FAM171A1: variants seen among roughly 807,000 people sequenced by gnomAD.
FAM171A1 encodes protein FAM171A1.
FAM171A1 carries 23 observed loss-of-function variants against 74.9 expected under a neutral mutation model. The ratio of observed to expected loss-of-function variants is 0.31; its 90% CI spans 0.22 to 0.44. FAM171A1 has a LOEUF of 0.44. FAM171A1 is among the 20% of genes least tolerant of loss of function. The pLI, the probability that FAM171A1 is intolerant of heterozygous loss-of-function variation, is 1.00. For missense variants in FAM171A1, 1,162 were observed against 1,159.2 expected, an observed-to-expected ratio of 1.00 and a Z score of -0.03; for synonymous variants, 527 against 505.7, an observed-to-expected ratio of 1.04 and a Z score of -0.57.
At chr10:15,263,863 C>G (rs1314134798) in intron 3 of FAM171A1, among the ~76,000 whole-genome samples, 2 of 99,524 alleles carry the variant, frequency 2.0e-5, no homozygotes, top group African/African-American at 8.9e-5. Context: ...ATCTATCTAT[C>G]TATCTATCTA....
At chr10:15,292,570 AC>A (rs1835115145) in intron 1 of FAM171A1, among the ~76,000 whole-genome samples, 1 of 151,980 alleles carries the variant, frequency 6.6e-6, no homozygotes, top group South Asian at 2.1e-4. Flanking sequence ...AACTTCCCCA[AC>A]CCGGGCTCAA....
At chr10:15,317,913 C>G (rs1261043504) in intron 1 of FAM171A1, among the ~76,000 whole-genome samples, 3 of 152,220 alleles carry the variant, frequency 2.0e-5, no homozygotes, top group Non-Finnish European at 2.9e-5. Flanking sequence ...GCCTCAGCCT[C>G]CTGAGTAGCT....
chr10:15,339,967 A>G (rs1835747333), intron 1 of FAM171A1, among the ~76,000 whole-genome samples: 1 of 152,172 alleles, frequency 6.6e-6, no homozygotes, highest in Admixed American at 6.5e-5. Flanking sequence ...CGTGAGACTT[A>G]TGCACTATCA....
chr10:15,343,252 C>G (rs1835784620), intron 1 of FAM171A1, among the ~76,000 whole-genome samples: 1 of 152,166 alleles, frequency 6.6e-6, no homozygotes, highest in Non-Finnish European at 1.5e-5. Flanking sequence ...GCCTGTAGTT[C>G]CAGTTACACA....
intron 1 of FAM171A1, among the ~76,000 whole-genome samples, chr10:15,329,279 G>A (rs1835597942): frequency 6.6e-6 from 1 of 152,216 alleles, no homozygotes; most frequent in Admixed American, 6.5e-5. Context: ...GTAGGCTGCA[G>A]GGAAACCACT....
At chr10:15,251,082 G>T (rs1834501195) in intron 4 of FAM171A1, among the ~76,000 whole-genome samples, 2 of 152,084 alleles carry the variant, frequency 1.3e-5, no homozygotes, top group African/African-American at 2.4e-5. Context: ...TTCCTCTGGG[G>T]TCTGTTTTTC....
chr10:15,216,844 A>C (rs1412695410), intron 6 of FAM171A1, among the ~76,000 whole-genome samples: 1 of 152,050 alleles, frequency 6.6e-6, no homozygotes, highest in Non-Finnish European at 1.5e-5. Context: ...AAAAAAAAAA[A>C]AAAACCCTAC....
intron 1 of FAM171A1, among the ~76,000 whole-genome samples, chr10:15,363,652 T>G (rs1003447969): frequency 1.3e-5 from 2 of 152,154 alleles, no homozygotes; most frequent in African/African-American, 4.8e-5. Flanking sequence ...ACCCTTCTCC[T>G]TCCCCTAGAC....
intron 1 of FAM171A1, among the ~76,000 whole-genome samples, chr10:15,284,858 G>A (rs1301846910): frequency 6.6e-6 from 1 of 151,078 alleles, no homozygotes; most frequent in Non-Finnish European, 1.5e-5. Flanking sequence ...ACAAAGGCTA[G>A]ACTGAAAAGA....
intron 3 of FAM171A1, among the ~76,000 whole-genome samples, chr10:15,268,363 T>C (rs1282722550): frequency 1.3e-5 from 2 of 152,082 alleles, no homozygotes; most frequent in Non-Finnish European, 2.9e-5. Context: ...GTATCCTGGA[T>C]TTGTGAGGTG....
chr10:15,292,900 T>G (rs1001798858), intron 1 of FAM171A1, among the ~76,000 whole-genome samples: 11 of 1,482 alleles, frequency 7.4e-3, no homozygotes, highest in African/African-American at 8.3e-3. Flanking sequence ...ACCCAGCACT[T>G]ATTCAATTTT....
At chr10:15,295,184 T>A (rs1325941242) in intron 1 of FAM171A1, among the ~76,000 whole-genome samples, 1 of 152,328 alleles carries the variant, frequency 6.6e-6, no homozygotes, top group African/African-American at 2.4e-5. Context: ...GTGATCCACC[T>A]GCCTCGGCCT....
chr10:15,291,766 G>A (rs180877438), intron 1 of FAM171A1, among the ~76,000 whole-genome samples: 1 of 152,212 alleles, frequency 6.6e-6, no homozygotes, highest in East Asian at 1.9e-4. Flanking sequence ...GGGACTTGCA[G>A]GGAGGCCAGG....
intron 1 of FAM171A1, among the ~76,000 whole-genome samples, chr10:15,296,321 T>C (rs1409033523): frequency 6.6e-6 from 1 of 152,088 alleles, no homozygotes; most frequent in Non-Finnish European, 1.5e-5. Context: ...ATAATCTATA[T>C]GTTATGTAAC....
intron 1 of FAM171A1, among the ~76,000 whole-genome samples, chr10:15,323,114 T>C (rs937210414): frequency 1.2e-4 from 17 of 145,468 alleles, no homozygotes; most frequent in African/African-American, 4.4e-4. Flanking sequence ...CACTCCAGTC[T>C]GGGCAACAGA....
At chr10:15,297,543 C>A (rs1443178641) in intron 1 of FAM171A1, among the ~76,000 whole-genome samples, 1 of 152,172 alleles carries the variant, frequency 6.6e-6, no homozygotes, top group East Asian at 1.9e-4. Context: ...AATTGATGAT[C>A]CTCCCATTAA....
In FAM171A1 at chr10:15,370,974, G is replaced by A; in HGVS notation, c.79C>T (p.Pro27Ser). 8.5e-7 allele frequency: 1 copy of A among 1,181,636 alleles called. No homozygotes were observed. Among genetic ancestry groups the A allele is most frequent in the Non-Finnish European group, 1.1e-6 (1 of 933,334 alleles). The allele number at this position is 1,181,636 out of a possible 1,614,324, so 73.2% of individuals were successfully genotyped here. Residue 27 changes from proline to serine, a missense_variant, in exon 1 of 8, where the codon CCC becomes TCC. By Grantham distance (74) the Pro-to-Ser change is moderately conservative (BLOSUM62 -1). Coordinates refer to ENST00000378116, the MANE Select transcript of FAM171A1 (RefSeq NM_001010924.2). ...CACTGACCTTGGGCTCCGGCGCCGG[G>A]CTCCCGCAGCGTCTTGGTCACCGCC... ...WKAVTKTLRE[P>S]GAGAQEVTLK...
chr10:15,278,074 G>A (rs891818162), intron 2 of FAM171A1, among the ~76,000 whole-genome samples: 3 of 152,164 alleles, frequency 2.0e-5, no homozygotes, highest in Admixed American at 1.3e-4. Flanking sequence ...CTGGCTCTTA[G>A]TGCCATAGGG....
intron 1 of FAM171A1, among the ~76,000 whole-genome samples, chr10:15,312,161 G>A (rs1176384168): frequency 6.6e-6 from 1 of 152,202 alleles, no homozygotes; most frequent in Non-Finnish European, 1.5e-5. Flanking sequence ...ATGGCCTTTT[G>A]AATCGGACCA....
Sources: allele counts gnomAD v4.1 joint callset (sites outside exome capture counted in the v4.1 genomes callset), GRCh38; gene constraint gnomAD v4.1.1; transcripts MANE v1.5; gene names NCBI Gene and HGNC (gene_info 2026-07-23, HGNC 2026-07-21).